The following MYH11 variants were observed in gnomAD, a reference collection of about 807,000 sequenced individuals.
The protein encoded by MYH11 is myosin heavy chain 11, also known as myosin-11.
Under a neutral mutation model 246.6 loss-of-function variants are expected in MYH11, and 80 were observed. The observed-to-expected ratio is 0.32, with a 90% CI of 0.27 to 0.39. The LOEUF (loss-of-function observed/expected upper bound fraction) is 0.39, where lower values mean the gene tolerates loss of function less well. Among genes scored for constraint, MYH11 ranks in the 10% least tolerant of loss-of-function variants. The pLI is 1.00. For synonymous variants in MYH11, 1,071 were observed against 1,015.5 expected, an observed-to-expected ratio of 1.05 and a Z score of -1.04; for missense variants, 2,158 against 2,546.8, an observed-to-expected ratio of 0.85 and a Z score of 3.29.
chr16:15,720,173 A>G lies in MYH11; in HGVS notation c.4931T>C (p.Ile1644Thr). The change falls in exon 34 of 41, where the codon ATC becomes ACC. Residue 1644 changes from isoleucine (I) to threonine (T), a missense_variant. Ile to Thr is a moderately conservative substitution (Grantham distance 89, BLOSUM62 -1). Coordinates refer to ENST00000300036, the MANE Select transcript of MYH11 (RefSeq NM_002474.3). ...CACCTGCAGTTTGCGTAGCTGCTTG[A>G]TGGCTTCCTCCCTCCCCTTGATGGC... ...DSAIKGREEA[I>T]KQLRKLQAQM... 1 of 1,614,018 alleles carries G rather than the reference A, an allele frequency of 6.2e-7. No individual in the cohort carries two copies. Among genetic ancestry groups the G allele is most frequent in the Non-Finnish European group, 8.5e-7 (1 of 1,179,998 alleles).
chr16:15,854,253 T>C (rs1339526292), intron 1 of MYH11, among the ~76,000 whole-genome samples: 1 of 152,126 alleles, frequency 6.6e-6, no homozygotes, highest in Non-Finnish European at 1.5e-5. Flanking sequence ...AGCCATGCCA[T>C]ACTGAGCAAA....
chr16:15,848,228 CTTTTT>C (rs71134473), intron 1 of MYH11, among the ~76,000 whole-genome samples: 44 of 104,342 alleles, frequency 4.2e-4, no homozygotes, highest in Admixed American at 6.6e-4. Context: ...GTTGCTAAGT[CTTTTT>C]TTTTTTTTTT....
At chr16:15,836,102 C>T (rs2043884493) in intron 2 of MYH11, among the ~76,000 whole-genome samples, 1 of 152,096 alleles carries the variant, frequency 6.6e-6, no homozygotes, top group Non-Finnish European at 1.5e-5. Flanking sequence ...GGAAACAAAG[C>T]TTCAGAGGCA....
intron 24 of MYH11, 111 bp downstream of exon 24, chr16:15,738,454 A>C: frequency 9.6e-7 from 1 of 1,041,508 alleles, no homozygotes; most frequent in Non-Finnish European, 1.4e-6. Context: ...TTCGGGCTGC[A>C]GTGAGCCATG....
chr16:15,719,874 G>T (rs62029308), intron 34 of MYH11, among the ~76,000 whole-genome samples, 161 bp from the exon 35 acceptor site: 1 of 152,146 alleles, frequency 6.6e-6, no homozygotes. Context: ...GGCTGGTGGT[G>T]CGCTGGGAGC....
chr16:15,797,820 G>A (rs1354660392), intron 4 of MYH11, among the ~76,000 whole-genome samples: 1 of 151,988 alleles, frequency 6.6e-6, no homozygotes, highest in Admixed American at 6.6e-5. Context: ...CTCTCATACT[G>A]TAAACAAGTG....
At chr16:15,732,166 T>C (rs1275176019) in intron 27 of MYH11, among the ~76,000 whole-genome samples, 1 of 152,102 alleles carries the variant, frequency 6.6e-6, no homozygotes, top group African/African-American at 2.4e-5. Flanking sequence ...TTTCGCCATG[T>C]TGGCCAGGCT....
intron 40 of MYH11, among the ~76,000 whole-genome samples, chr16:15,706,365 G>A (rs2039455802): frequency 6.6e-6 from 1 of 152,114 alleles, no homozygotes; most frequent in African/African-American, 2.4e-5. Flanking sequence ...TTCCCTGTAC[G>A]CTCCCCACAC....
rs757920488 is a variant in MYH11, at chr16:15,842,762, C to CAA, written c.-17-4495_-17-4494dup. Reference sequence around the variant, plus strand: ...CCAGGCAACAGAGCAAGACTTCATCCAAAAAAAAAAAAAAAAAAAAAAAAA... The same window carrying CAA: ...CCAGGCAACAGAGCAAGACTTCATCCAAAAAAAAAAAAAAAAAAAAAAAAAAA... On this transcript the variant is annotated intron_variant, in intron 1 of 40. Coordinates refer to ENST00000300036, the MANE Select transcript of MYH11 (RefSeq NM_002474.3). 2.2e-3 allele frequency among the ~76,000 whole-genome samples: 43 copies of CAA among 19,666 alleles called. 4 individuals carry two copies. The highest frequency in any genetic ancestry group is 3.6e-3 in the Non-Finnish European group (26 of 7,134). The allele number at this position is 19,666 out of a possible 152,430, so 12.9% of individuals were successfully genotyped here.
At chr16:15,712,419 G>T (rs1473514603) in intron 40 of MYH11, among the ~76,000 whole-genome samples, 1 of 152,062 alleles carries the variant, frequency 6.6e-6, no homozygotes, top group African/African-American at 2.4e-5. Flanking sequence ...GGAGGCTGAG[G>T]CGGGTGGATC....
chr16:15,759,942 C>A (rs1002678325), intron 11 of MYH11, among the ~76,000 whole-genome samples: 3 of 152,192 alleles, frequency 2.0e-5, no homozygotes, highest in African/African-American at 7.2e-5. Context: ...ACTAAAAATA[C>A]AAAAATTAGC....
Position 15,786,869 on chromosome 16 carries a change from C to A in MYH11, c.531-137G>T. ...ACAGAGGCTCCCAGAGGGGAAGTAA[C>A]TTGCCCAAGGCCACATCTCTGGTAG... On this transcript the variant is annotated intron_variant, in intron 4 of 40. Coordinates refer to ENST00000300036, the MANE Select transcript of MYH11 (RefSeq NM_002474.3). The A allele has an allele frequency of 4.7e-6, 4 of 856,474 alleles. No individual in the cohort carries two copies. In the East Asian group the frequency reaches 1.1e-4, roughly 23 times the overall value. 53.1% of individuals were successfully genotyped at this position (856,474 alleles called of 1,614,324 possible).
At chr16:15,712,228 G>C (rs1327831559) in intron 40 of MYH11, among the ~76,000 whole-genome samples, 1 of 152,172 alleles carries the variant, frequency 6.6e-6, no homozygotes, top group South Asian at 2.1e-4. Flanking sequence ...ATGTGGGAAC[G>C]GGAGGGTGGT....
chr16:15,719,726 A>G lies in MYH11; in HGVS notation c.4954-13T>C, dbSNP rs755791297. ...CCTTCATCTGAGCCTGCATGAGTCA[A>G]CAGGGAGGACAAGCTCAGATGTCCT... On this transcript the variant is annotated splice_polypyrimidine_tract_variant and intron_variant, in intron 34 of 40. Coordinates refer to ENST00000300036, the MANE Select transcript of MYH11 (RefSeq NM_002474.3). 1.2e-6 allele frequency: 2 copies of G among 1,613,950 alleles called. No homozygotes were observed. The highest frequency in any genetic ancestry group is 2.7e-5 in the African/African-American group (2 of 74,918).
chr16:15,739,153 G>T (rs2041203621), intron 23 of MYH11, among the ~76,000 whole-genome samples: 1 of 151,234 alleles, frequency 6.6e-6, no homozygotes, highest in South Asian at 2.1e-4. Context: ...AGGGTGGAGT[G>T]CAGTGTTGCT....
At chr16:15,748,575 C>G (rs2041483210) in intron 16 of MYH11, among the ~76,000 whole-genome samples, 1 of 152,190 alleles carries the variant, frequency 6.6e-6, no homozygotes, top group Admixed American at 6.5e-5. Flanking sequence ...AAACCACCCA[C>G]CTGGTCTCTC....
rs144735286 is a variant in MYH11 at position 15,828,950 on chromosome 16, G to A, written c.346-5539C>T. ...TTTAATGCCAGCACTTTGGGAAATC[G>A]AGGAGGTCAGATCACTTGAGGTCAG... On this transcript the variant is annotated intron_variant, in intron 2 of 40. Transcript: ENST00000300036. Among the ~76,000 whole-genome samples, 438 of 149,490 alleles carry A rather than the reference G, an allele frequency of 2.9e-3. 2 individuals are homozygous for A. The highest frequency in any genetic ancestry group is 0.01 in the African/African-American group (426 of 40,742).
intron 3 of MYH11, among the ~76,000 whole-genome samples, chr16:15,819,016 A>G (rs2151353071): frequency 6.6e-6 from 1 of 152,234 alleles, no homozygotes; most frequent in East Asian, 1.9e-4. Flanking sequence ...AGTAGCTAGG[A>G]CTACAGACTC....
intron 1 of MYH11, among the ~76,000 whole-genome samples, chr16:15,838,795 T>TGCA (rs2043973780): frequency 6.7e-6 from 1 of 149,046 alleles, no homozygotes; most frequent in African/African-American, 2.5e-5. Context: ...AGGCAGAGGT[T>TGCA]GCAGTGAGCC....
Sources: allele counts gnomAD v4.1 joint callset (sites outside exome capture counted in the v4.1 genomes callset), GRCh38; gene constraint gnomAD v4.1.1; transcripts MANE v1.5; gene names NCBI Gene and HGNC (gene_info 2026-07-23, HGNC 2026-07-21).